Variants in PROK1 observed in about 807,000 individuals in gnomAD.
PROK1 encodes prokineticin 1.
PROK1 carries 10 observed loss-of-function variants against 8.8 expected under a neutral mutation model. The ratio of observed to expected loss-of-function variants is 1.13; its 90% CI spans 0.70 to 1.92. The LOEUF (loss-of-function observed/expected upper bound fraction) is 1.92, where lower values mean the gene tolerates loss of function less well. Among genes scored for constraint, PROK1 ranks in the 30% most tolerant of loss-of-function variants. The pLI is 0.00. For synonymous variants in PROK1, 57 were observed against 56.0 expected (o/e 1.02, Z -0.08); for missense variants, 140 against 139.7 (o/e 1.00, Z -0.01).
chr1:110,452,067 C>A (rs1664096114), intron 1 of PROK1, among the ~76,000 whole-genome samples: 1 of 152,216 alleles, frequency 6.6e-6, no homozygotes, highest in Non-Finnish European at 1.5e-5. Context: ...ACCATTCTTA[C>A]TGAAGCAGAA....
At chr1:110,451,796 A>G (rs1664091877) in intron 1 of PROK1, among the ~76,000 whole-genome samples, 4 of 152,196 alleles carry the variant, frequency 2.6e-5, no homozygotes. Flanking sequence ...TAGAAAGGAT[A>G]TCTTTGAAAC....
intron 2 of PROK1, among the ~76,000 whole-genome samples, chr1:110,455,641 G>A (rs546851359): frequency 1.3e-5 from 2 of 152,340 alleles, no homozygotes; most frequent in South Asian, 2.1e-4. Flanking sequence ...CATGTGGTAG[G>A]TGCTATTATT....
Position 110,457,282 on chromosome 1 carries a change from A to T in PROK1, c.*931A>T, listed in dbSNP as rs1456982118. On this transcript the variant is annotated 3_prime_UTR_variant, in exon 3 of 3. Transcript: ENST00000271331. ...GACAGGGAGCAGGGCAGGGGCTGAA[A>T]GGGGCACTGATTCAGACCAGGGAGG... 2 of 152,650 alleles carry T rather than the reference A, an allele frequency of 1.3e-5. No homozygotes were observed. Among genetic ancestry groups the T allele is most frequent in the South Asian group, 4.1e-4 (2 of 4,824 alleles). The allele number at this position is 152,650 out of a possible 1,614,324, so 9.5% of individuals were successfully genotyped here.
chr1:110,452,954 G>T (rs1169368178), intron 1 of PROK1, among the ~76,000 whole-genome samples: 1 of 152,132 alleles, frequency 6.6e-6, no homozygotes, highest in Non-Finnish European at 1.5e-5. Context: ...GCCCTTGCTG[G>T]GCTGGAGACA....
rs781392042 is a variant in PROK1 at position 110,451,909 on chromosome 1, A to AC, written c.72+621_72+622insC. Among the ~76,000 whole-genome samples, 658 of 152,318 alleles carry AC rather than the reference A, an allele frequency of 4.3e-3. 5 individuals carry two copies. Among genetic ancestry groups the AC allele is most frequent in the Middle Eastern group, 6.8e-3 (2 of 294 alleles). On this transcript the variant is annotated intron_variant, in intron 1 of 2. Coordinates refer to ENST00000271331, the MANE Select transcript of PROK1 (RefSeq NM_032414.3). ...GCAAGCATCCAGATAACAAGTAGAT[A>AC]TCCAGTCTCGAAGCAGAGAAGCAAA... is the stretch of plus-strand genomic sequence containing the variant.
Position 110,451,300 on chromosome 1 carries a change from A to G in PROK1, c.72+12A>G. 3 of 1,613,284 alleles carry G rather than the reference A, an allele frequency of 1.9e-6. No homozygotes were observed. In the South Asian group the frequency reaches 3.3e-5, roughly 18 times the overall value. On this transcript the variant is annotated intron_variant, in intron 1 of 2. Transcript: ENST00000271331. The stretch of plus-strand genomic sequence containing the variant: ...CTGTGATCACAGGGGTAAGTCGCCT[A>G]ACATTCTCTGTGCCTTGGGTTTTGG...
In PROK1 at chr1:110,456,336, G is replaced by A. The variant is rs139466708; in HGVS notation, c.303G>A (p.Lys101=). Reference sequence around the variant, plus strand: ...GGTACCGCTGCTCCATGGACTTGAAGAACATCAATTTTTAGGCGCTTGCCT... The same window carrying A: ...GGTACCGCTGCTCCATGGACTTGAAAAACATCAATTTTTAGGCGCTTGCCT... ...DGRYRCSMDL[K]NINF is the part of the protein sequence containing the mutation. The change falls in exon 3 of 3, where the codon AAG becomes AAA. Residue 101 remains lysine (K), a synonymous_variant. Coordinates refer to ENST00000271331, the MANE Select transcript of PROK1 (RefSeq NM_032414.3). 1.6e-5 allele frequency: 26 copies of A among 1,613,934 alleles called. No homozygotes were observed. Among genetic ancestry groups the A allele is most frequent in the Non-Finnish European group, 2.1e-5 (25 of 1,180,050 alleles).
intron 2 of PROK1, among the ~76,000 whole-genome samples, chr1:110,455,027 G>T (rs1215873843): frequency 6.6e-6 from 1 of 152,174 alleles, no homozygotes; most frequent in East Asian, 1.9e-4. Context: ...TGGAGCCACA[G>T]CATCCCTGCT....
chr1:110,451,178 A>G lies in PROK1; in HGVS notation c.-39A>G, dbSNP rs1570687420. The G allele has an allele frequency of 1.2e-6, 2 of 1,604,178 alleles. No homozygotes were observed. Among genetic ancestry groups the G allele is most frequent in the East Asian group, 2.2e-5 (1 of 44,828 alleles). On this transcript the variant is annotated 5_prime_UTR_variant, in exon 1 of 3. Coordinates refer to ENST00000271331, the MANE Select transcript of PROK1 (RefSeq NM_032414.3). ...GGCTGAGCGGGAGGAAGCGAGAGGC[A>G]TCTAAGCAGGCAGTGTTTTGCCTTC...
intron 2 of PROK1, 63 bp downstream of exon 2, chr1:110,454,149 A>G: frequency 1.9e-6 from 3 of 1,582,968 alleles, no homozygotes; most frequent in South Asian, 2.3e-5. Context: ...GCAGAGGGTG[A>G]TGTCCTGGGG....
intron 2 of PROK1, among the ~76,000 whole-genome samples, chr1:110,455,940 C>T (rs963450034): frequency 2.0e-5 from 3 of 151,022 alleles, no homozygotes; most frequent in South Asian, 4.2e-4. Flanking sequence ...CATGTGTGTG[C>T]GTGTGTGTGT....
In PROK1 at chr1:110,453,974, A is replaced by G; in HGVS notation, c.86A>G (p.Asp29Gly). The change falls in exon 2 of 3, where the codon GAT becomes GGT. Residue 29 changes from aspartate to glycine, a missense_variant. Asp to Gly is a moderately conservative substitution (Grantham distance 94). Coordinates refer to ENST00000271331, the MANE Select transcript of PROK1 (RefSeq NM_032414.3). ...CAVITGACER[D>G]VQCGAGTCCA... ...TCCCTCCTACAGGCCTGTGAGCGGGATGTCCAGTGTGGGGCAGGCACCTGC... is the reference window on the plus strand; with the variant it reads ...TCCCTCCTACAGGCCTGTGAGCGGGGTGTCCAGTGTGGGGCAGGCACCTGC... 1 of 1,614,140 alleles carries G rather than the reference A, an allele frequency of 6.2e-7. No homozygotes were observed. Among genetic ancestry groups the G allele is most frequent in the Non-Finnish European group, 8.5e-7 (1 of 1,180,014 alleles).
rs1463779571 is a variant in PROK1 at position 110,453,948 on chromosome 1, C to T, written c.73-13C>T. The T allele has an allele frequency of 1.2e-6, 2 of 1,614,218 alleles. No homozygotes were observed. Among genetic ancestry groups the T allele is most frequent in the Non-Finnish European group, 8.5e-7 (1 of 1,180,022 alleles). On this transcript the variant is annotated splice_polypyrimidine_tract_variant and intron_variant, in intron 1 of 2. Coordinates refer to ENST00000271331, the MANE Select transcript of PROK1 (RefSeq NM_032414.3). Reference sequence around the variant, plus strand: ...GCACTAATGAACTGTTCCCTTCTCTCTCCCTCCTACAGGCCTGTGAGCGGG... The same window carrying T: ...GCACTAATGAACTGTTCCCTTCTCTTTCCCTCCTACAGGCCTGTGAGCGGG...
intron 2 of PROK1, among the ~76,000 whole-genome samples, chr1:110,455,629 C>T (rs1298711600): frequency 6.6e-6 from 1 of 152,186 alleles, no homozygotes; most frequent in Non-Finnish European, 1.5e-5. Flanking sequence ...TCTTTATAAC[C>T]ACATGTGGTA....
intron 1 of PROK1, among the ~76,000 whole-genome samples, chr1:110,452,701 C>A (rs1278744290): frequency 6.6e-6 from 1 of 152,198 alleles, no homozygotes; most frequent in Non-Finnish European, 1.5e-5. Context: ...CAGGAACCCC[C>A]AGGCTCCCCA....
At chr1:110,452,716 C>T (rs1319807769) in intron 1 of PROK1, among the ~76,000 whole-genome samples, 1 of 152,184 alleles carries the variant, frequency 6.6e-6, no homozygotes, top group African/African-American at 2.4e-5. Context: ...TCCCCACATC[C>T]TCCATGTCCT....
At chr1:110,455,900 T>C (rs1009779501) in intron 2 of PROK1, among the ~76,000 whole-genome samples, 1 of 152,168 alleles carries the variant, frequency 6.6e-6, no homozygotes, top group Non-Finnish European at 1.5e-5. Flanking sequence ...GAGCCCATAA[T>C]GGATGAGCAA....
intron 1 of PROK1, among the ~76,000 whole-genome samples, chr1:110,452,519 C>T (rs1319795829): frequency 2.0e-5 from 3 of 152,246 alleles, no homozygotes; most frequent in Admixed American, 6.5e-5. Context: ...AGGCTTGCCT[C>T]ACCACCCGTG....
In PROK1 at chr1:110,451,189, C is replaced by T. The variant is rs371989983; in HGVS notation, c.-28C>T. ...AGGAAGCGAGAGGCATCTAAGCAGGCAGTGTTTTGCCTTCACCCCAAGTGA... is the reference window on the plus strand; with the variant it reads ...AGGAAGCGAGAGGCATCTAAGCAGGTAGTGTTTTGCCTTCACCCCAAGTGA... On this transcript the variant is annotated 5_prime_UTR_variant, in exon 1 of 3. Transcript: ENST00000271331. 229 of 1,609,740 alleles carry T rather than the reference C, an allele frequency of 1.4e-4. No individual in the cohort carries two copies. The highest frequency in any genetic ancestry group is 3.8e-4 in the Admixed American group (23 of 59,982).
Sources: gnomAD v4.1 joint callset for allele counts (sites outside exome capture counted in the v4.1 genomes callset) on GRCh38, gnomAD v4.1.1 for gene constraint, MANE v1.5 for transcripts, NCBI Gene and HGNC (gene_info 2026-07-23, HGNC 2026-07-21) for gene names.